Variants in METAP1 observed in about 807,000 individuals in gnomAD.
METAP1 encodes methionyl aminopeptidase 1.
In METAP1, 28 loss-of-function variants were observed where a neutral mutation model predicts 53.8. The ratio of observed to expected loss-of-function variants is 0.52; its 90% CI spans 0.39 to 0.71. The LOEUF (loss-of-function observed/expected upper bound fraction) is 0.71, where lower values mean the gene tolerates loss of function less well. Among genes scored for constraint, METAP1 ranks in the 30% least tolerant of loss-of-function variants. The pLI is 0.00. For missense variants in METAP1, 389 were observed against 479.8 expected (o/e 0.81, Z 1.77); for synonymous variants, 181 against 165.7 (o/e 1.09, Z -0.71).
intron 1 of METAP1, among the ~76,000 whole-genome samples, chr4:99,012,570 C>A (rs112587508): frequency 0.097 from 14,660 of 151,388 alleles, 2,338 homozygotes; most frequent in African/African-American, 0.33. Context: ...CCACCACACC[C>A]GGCCGAGGTG....
chr4:99,028,114 G>A (rs1363303512), intron 1 of METAP1, among the ~76,000 whole-genome samples: 1 of 151,994 alleles, frequency 6.6e-6, no homozygotes, highest in Non-Finnish European at 1.5e-5. Context: ...TGAAGGAGAG[G>A]CCATCAACCT....
chr4:99,020,283 C>T (rs76773373), intron 1 of METAP1, among the ~76,000 whole-genome samples: 5,156 of 152,254 alleles, frequency 0.034, 132 homozygotes, highest in Admixed American at 0.052. Flanking sequence ...CTTTAGACCT[C>T]GGACTTCAGA....
chr4:99,003,132 C>T (rs148975597), intron 1 of METAP1, among the ~76,000 whole-genome samples: 1 of 152,334 alleles, frequency 6.6e-6, no homozygotes, highest in South Asian at 2.1e-4. Flanking sequence ...GGTCTGCTAT[C>T]TGCTAATGTG....
intron 1 of METAP1, among the ~76,000 whole-genome samples, chr4:99,016,152 TA>T (rs750517430): frequency 9.4e-4 from 143 of 152,298 alleles, no homozygotes; most frequent in Non-Finnish European, 1.7e-3. Context: ...CCTTTGGTTT[TA>T]AGGGAAGAAA....
chr4:99,018,779 A>G (rs973422755), intron 1 of METAP1, among the ~76,000 whole-genome samples: 1 of 152,194 alleles, frequency 6.6e-6, no homozygotes, highest in Admixed American at 6.5e-5. Flanking sequence ...GCAAGGCTCT[A>G]AAAGTCCATC....
intron 2 of METAP1, chr4:99,031,620 T>G (rs1201114182): frequency 9.5e-6 from 12 of 1,258,994 alleles, no homozygotes; most frequent in Non-Finnish European, 1.2e-5. Flanking sequence ...GAGGATTAAA[T>G]AAAGAAATCC....
At chr4:99,032,262 CTGT>C in intron 2 of METAP1, among the ~76,000 whole-genome samples, 1 of 150,796 alleles carries the variant, frequency 6.6e-6, no homozygotes, top group Admixed American at 6.6e-5. Flanking sequence ...GGGTGTTCCT[CTGT>C]TGCCCAGGCT....
At chr4:99,061,093 T>C in intron 10 of METAP1, 61 bp from the exon 11 acceptor site, 3 of 1,547,740 alleles carry the variant, frequency 1.9e-6, no homozygotes, top group Non-Finnish European at 1.8e-6. Flanking sequence ...CTTGGCTTTC[T>C]TCTTGATAGA....
chr4:99,040,684 A>G (rs1210721567), intron 5 of METAP1, among the ~76,000 whole-genome samples: 1 of 144,744 alleles, frequency 6.9e-6, no homozygotes, highest in Non-Finnish European at 1.5e-5. Flanking sequence ...TTTAAGAGAC[A>G]GGATCTCACT....
chr4:99,005,545 A>G (rs1018538921), intron 1 of METAP1, among the ~76,000 whole-genome samples: 1 of 152,242 alleles, frequency 6.6e-6, no homozygotes, highest in African/African-American at 2.4e-5. Flanking sequence ...AATGTAATTT[A>G]GTACAACCAC....
chr4:99,043,483 T>A (rs1726017901), intron 7 of METAP1, 96 bp downstream of exon 7: 6 of 1,283,638 alleles, frequency 4.7e-6, no homozygotes, highest in African/African-American at 4.6e-5. Flanking sequence ...TTGCTTCCTG[T>A]ACTTAAACTT....
At chr4:99,006,370 A>G (rs1209101417) in intron 1 of METAP1, among the ~76,000 whole-genome samples, 1 of 152,200 alleles carries the variant, frequency 6.6e-6, no homozygotes, top group African/African-American at 2.4e-5. Flanking sequence ...ACAAATAGAA[A>G]AGTTTAAAGA....
chr4:99,022,853 C>A, intron 1 of METAP1: 1 of 1,556,762 alleles, frequency 6.4e-7, no homozygotes, highest in East Asian at 2.4e-5. Flanking sequence ...TTTTCCCTCC[C>A]ACGGCTGCTG....
In METAP1 at chr4:99,057,784, C is replaced by A; in HGVS notation, c.963C>A (p.Gly321=). 2 of 1,596,422 alleles carry A rather than the reference C, an allele frequency of 1.3e-6. No homozygotes were observed. The highest frequency in any genetic ancestry group is 1.7e-6 in the Non-Finnish European group (2 of 1,170,978). Residue 321 remains glycine, a synonymous_variant, in exon 10 of 11, where the codon GGC becomes GGA. Coordinates refer to ENST00000296411, the MANE Select transcript of METAP1 (RefSeq NM_015143.3). ...AAGCAGTTGGAGTGATGAAGTCGGG[C>A]CATGTATTTACAATTGAGCCAATGA... ...KNKAVGVMKS[G]HVFTIEPMIC...
At chr4:98,996,500 G>A (rs1278874612) in intron 1 of METAP1, among the ~76,000 whole-genome samples, 1 of 152,210 alleles carries the variant, frequency 6.6e-6, no homozygotes, top group Non-Finnish European at 1.5e-5. Context: ...GGAAGGGAGA[G>A]GTCTGTGTAA....
At chr4:99,053,895 T>C (rs1726907236) in intron 9 of METAP1, among the ~76,000 whole-genome samples, 1 of 150,242 alleles carries the variant, frequency 6.7e-6, no homozygotes, top group Non-Finnish European at 1.5e-5. Flanking sequence ...AACTATATTA[T>C]ATGTTAATTA....
intron 1 of METAP1, among the ~76,000 whole-genome samples, chr4:99,004,956 A>G (rs1199659091): frequency 6.6e-6 from 1 of 152,062 alleles, no homozygotes; most frequent in African/African-American, 2.4e-5. Flanking sequence ...CGGTTTTTCT[A>G]TTATAAATAG....
chr4:99,026,822 C>T, intron 1 of METAP1: 2 of 985,354 alleles, frequency 2.0e-6, no homozygotes, highest in Non-Finnish European at 2.4e-6. Flanking sequence ...ACTTGGTTGC[C>T]TCATGGCCCC....
intron 1 of METAP1, among the ~76,000 whole-genome samples, chr4:99,007,869 C>T (rs547519616): frequency 1.5e-4 from 23 of 152,182 alleles, no homozygotes; most frequent in Admixed American, 2.6e-4. Flanking sequence ...CTTTCCCAGC[C>T]CCAGATCTGC....
Sources: gnomAD v4.1 joint callset for allele counts (sites outside exome capture counted in the v4.1 genomes callset) on GRCh38, gnomAD v4.1.1 for gene constraint, MANE v1.5 for transcripts, NCBI Gene and HGNC (gene_info 2026-07-23, HGNC 2026-07-21) for gene names.